SORCS2: variants seen among roughly 807,000 people sequenced by gnomAD.
SORCS2 encodes the protein VPS10 domain-containing receptor SorCS2.
SORCS2 carries 100 observed loss-of-function variants against 141.6 expected under a neutral mutation model. The observed-to-expected ratio is 0.71, with a 90% CI of 0.60 to 0.83. The LOEUF is 0.83. Ranked by LOEUF, SORCS2 falls within the 40% of genes least tolerant of loss-of-function variation. The pLI is 0.00. For synonymous variants in SORCS2, 789 were observed against 676.9 expected (o/e 1.17, Z -2.57); for missense variants, 1,646 against 1,560.2 (o/e 1.05, Z -0.93).
At chr4:7,267,127 T>G (rs530012476) in intron 1 of SORCS2, among the ~76,000 whole-genome samples, 1 of 151,998 alleles carries the variant, frequency 6.6e-6, no homozygotes, top group East Asian at 1.9e-4. Flanking sequence ...TGAATCAAAC[T>G]TTCTAATTCA....
chr4:7,503,130 T>C (rs1312786227), intron 2 of SORCS2, among the ~76,000 whole-genome samples: 1 of 152,192 alleles, frequency 6.6e-6, no homozygotes, highest in Non-Finnish European at 1.5e-5. Context: ...GCCTAAAATA[T>C]ATCCATCTGT....
rs1245704548 is a variant in SORCS2, at chr4:7,663,542, C to T, written c.953-811C>T. Among the ~76,000 whole-genome samples the T allele has an allele frequency of 1.3e-5, 2 of 152,218 alleles. No homozygotes were observed. Among genetic ancestry groups the T allele is most frequent in the Admixed American group, 1.3e-4 (2 of 15,280 alleles). On this transcript the variant is annotated intron_variant, in intron 6 of 26. Transcript: ENST00000507866. The surrounding 1 kb of genome is among the most constrained non-coding windows in gnomAD (Gnocchi z 4.8). ...TGGCCTGGTGCTGCTGCCCACGTAC[C>T]CTCTGTGTACACTGCCTTCTGCCTC...
intron 3 of SORCS2, among the ~76,000 whole-genome samples, chr4:7,579,237 G>A (rs1715977266): frequency 6.6e-6 from 1 of 152,034 alleles, no homozygotes; most frequent in Non-Finnish European, 1.5e-5. Context: ...AATGATGCAT[G>A]GATCATTTTA....
chr4:7,556,021 C>T (rs1046101033), intron 3 of SORCS2, among the ~76,000 whole-genome samples: 2 of 152,216 alleles, frequency 1.3e-5, no homozygotes, highest in South Asian at 2.1e-4. Context: ...CAACTCACAT[C>T]GCGATGCTCA....
At chr4:7,390,733 C>T (rs1201829472) in intron 1 of SORCS2, among the ~76,000 whole-genome samples, 5 of 152,126 alleles carry the variant, frequency 3.3e-5, no homozygotes, top group East Asian at 1.9e-4. Flanking sequence ...CAGCTGACCT[C>T]GTTCCTGGTG....
chr4:7,430,067 A>G (rs1361485658), intron 2 of SORCS2, among the ~76,000 whole-genome samples: 1 of 152,046 alleles, frequency 6.6e-6, no homozygotes, highest in Non-Finnish European at 1.5e-5. Flanking sequence ...TTCTCGTTGT[A>G]AGGAATAGAT....
chr4:7,239,359 G>A (rs1483238718), intron 1 of SORCS2, among the ~76,000 whole-genome samples: 2 of 152,284 alleles, frequency 1.3e-5, no homozygotes, highest in Non-Finnish European at 2.9e-5. Flanking sequence ...GCCAGGAGCA[G>A]CTCCCCTGCT....
At chr4:7,325,783 C>T (rs1719215213) in intron 1 of SORCS2, among the ~76,000 whole-genome samples, 1 of 152,198 alleles carries the variant, frequency 6.6e-6, no homozygotes, top group South Asian at 2.1e-4. Flanking sequence ...CCACGCCCAC[C>T]CTCCGGTCTT....
At chr4:7,452,626 G>C (rs371230960) in intron 2 of SORCS2, among the ~76,000 whole-genome samples, 3 of 152,226 alleles carry the variant, frequency 2.0e-5, no homozygotes, top group African/African-American at 7.2e-5. Flanking sequence ...ACGAGGGCAC[G>C]GGCAATGTCC....
chr4:7,588,573 C>A (rs114800984), intron 3 of SORCS2, among the ~76,000 whole-genome samples: 1 of 152,174 alleles, frequency 6.6e-6, no homozygotes, highest in African/African-American at 2.4e-5. Context: ...AAGAGCCCCC[C>A]TCTGACCTTG....
At chr4:7,704,314 G>A (rs1035791943) in intron 14 of SORCS2, 30 bp downstream of exon 14, 13 of 1,572,510 alleles carry the variant, frequency 8.3e-6, no homozygotes, top group Non-Finnish European at 1.1e-5. Context: ...AGTGGGCACT[G>A]GTGGCAGGGC....
Position 7,667,172 on chromosome 4 carries a change from G to GA in SORCS2, c.1122dup (p.Phe375IlefsTer88). ...ATACTACGTCTCTTATCGTCGAAAT[G>GA]AATTTGTCCTGATGAAGCTGCCGAA... On this transcript the variant is annotated frameshift_variant, in exon 8 of 27. Transcript: ENST00000507866. LOFTEE classifies it high-confidence loss of function. 6.2e-7 allele frequency: 1 copy of GA among 1,613,870 alleles called. No individual in the cohort carries two copies. The highest frequency in any genetic ancestry group is 8.5e-7 in the Non-Finnish European group (1 of 1,179,774).
chr4:7,728,065 C>G (rs2061169846), intron 21 of SORCS2, among the ~76,000 whole-genome samples: 1 of 152,254 alleles, frequency 6.6e-6, no homozygotes, highest in Admixed American at 6.5e-5. Flanking sequence ...ATCATCATCA[C>G]TGGCATCTTT....
At chr4:7,621,073 A>G (rs376699498) in intron 3 of SORCS2, among the ~76,000 whole-genome samples, 4 of 152,232 alleles carry the variant, frequency 2.6e-5, no homozygotes, top group African/African-American at 9.6e-5. Flanking sequence ...GCTGACCACA[A>G]GGAGGGGGCT....
intron 3 of SORCS2, among the ~76,000 whole-genome samples, chr4:7,585,728 C>T (rs1310793850): frequency 6.6e-6 from 1 of 152,192 alleles, no homozygotes; most frequent in Non-Finnish European, 1.5e-5. Context: ...TTCTGATTCA[C>T]CTCTCAGCTG....
At chr4:7,446,006 C>CT (rs5855963) in intron 2 of SORCS2, among the ~76,000 whole-genome samples, 126,344 of 151,656 alleles carry the variant, frequency 0.83, 53,316 homozygotes, top group South Asian at 0.96. Flanking sequence ...TTTGTCTTTT[C>CT]TTTTTTTTCC....
intron 2 of SORCS2, among the ~76,000 whole-genome samples, chr4:7,458,652 C>G (rs901219811): frequency 1.6e-4 from 24 of 152,172 alleles, no homozygotes; most frequent in Non-Finnish European, 3.1e-4. Context: ...TCAAACTTGA[C>G]CTGAGTGTCC....
chr4:7,500,792 T>C (rs1237128522), intron 2 of SORCS2, among the ~76,000 whole-genome samples: 1 of 151,938 alleles, frequency 6.6e-6, no homozygotes, highest in Non-Finnish European at 1.5e-5. Context: ...CGGTAACGAG[T>C]GGGAGCCTCA....
chr4:7,249,837 G>A (rs1396928489), intron 1 of SORCS2, among the ~76,000 whole-genome samples: 1 of 152,070 alleles, frequency 6.6e-6, no homozygotes, highest in Non-Finnish European at 1.5e-5. Context: ...CCTCTCTCTG[G>A]TAAAAGCTGG....
Sources: allele counts gnomAD v4.1 joint callset (sites outside exome capture counted in the v4.1 genomes callset), GRCh38; gene constraint gnomAD v4.1.1; non-coding constraint Gnocchi (gnomAD v3.1); transcripts MANE v1.5; gene names NCBI Gene and HGNC (gene_info 2026-07-23, HGNC 2026-07-21).